Variants in PTPRD observed in about 807,000 individuals in gnomAD.
The protein encoded by PTPRD is protein tyrosine phosphatase receptor type D.
In PTPRD, 34 loss-of-function variants were observed where a neutral mutation model predicts 214.5. The ratio of observed to expected loss-of-function variants is 0.16; its 90% CI spans 0.12 to 0.21. PTPRD has a LOEUF of 0.21. Ranked by LOEUF, PTPRD falls within the 10% of genes least tolerant of loss-of-function variation. The pLI is 1.00. For synonymous variants in PTPRD, 1,128 were observed against 845.7 expected (o/e 1.33, Z -5.79); for missense variants, 2,545 against 2,398.7 (o/e 1.06, Z -1.27).
chr9:9,015,967 T>C (rs894607634), intron 11 of PTPRD, among the ~76,000 whole-genome samples: 1 of 152,064 alleles, frequency 6.6e-6, no homozygotes, highest in African/African-American at 2.4e-5. Context: ...CTCTGCTAAA[T>C]GATCATAGGA....
intron 31 of PTPRD, among the ~76,000 whole-genome samples, chr9:8,468,594 T>G (rs1405115389): frequency 6.6e-6 from 1 of 151,920 alleles, no homozygotes; most frequent in East Asian, 1.9e-4. Flanking sequence ...TTTCAATTTC[T>G]TATGGGCCTA....
rs554815076 is a variant in PTPRD at position 10,120,752 on chromosome 9, G to C, written c.-544-86962C>G. ...ATTTCTTCTTCAATAAATCCTACTT[G>C]AGGAGCCAACGATAATCCCATGAAA... On this transcript the variant is annotated intron_variant, in intron 3 of 45. Coordinates refer to ENST00000381196, the MANE Select transcript of PTPRD (RefSeq NM_002839.4). Among the ~76,000 whole-genome samples the C allele has an allele frequency of 2.0e-4, 31 of 152,008 alleles. No individual in the cohort carries two copies. The South Asian group carries it at 6.5e-3, about 32-fold the overall frequency.
At chr9:9,110,009 G>A (rs2099803892) in intron 10 of PTPRD, among the ~76,000 whole-genome samples, 1 of 152,072 alleles carries the variant, frequency 6.6e-6, no homozygotes, top group Admixed American at 6.6e-5. Context: ...ACCAAACCAG[G>A]AGCTCCAAAG....
intron 5 of PTPRD, among the ~76,000 whole-genome samples, chr9:9,830,910 C>T (rs1169515194): frequency 3.3e-5 from 5 of 151,718 alleles, no homozygotes; most frequent in East Asian, 3.9e-4. Flanking sequence ...AATTGTCCAA[C>T]GTAAAATGTA....
At chr9:8,798,942 G>C (rs148753291) in intron 11 of PTPRD, among the ~76,000 whole-genome samples, 58 of 152,196 alleles carry the variant, frequency 3.8e-4, no homozygotes, top group African/African-American at 1.3e-3. Flanking sequence ...CACATGTAAA[G>C]CCTGAATGCA....
chr9:10,056,195 C>A (rs2097643911), intron 3 of PTPRD, among the ~76,000 whole-genome samples: 2 of 151,824 alleles, frequency 1.3e-5, no homozygotes, highest in South Asian at 4.1e-4. Context: ...GTGGCATGTG[C>A]CTGTTATCCC....
At chr9:8,904,385 C>T (rs886179450) in intron 11 of PTPRD, among the ~76,000 whole-genome samples, 8 of 152,062 alleles carry the variant, frequency 5.3e-5, no homozygotes, top group African/African-American at 1.9e-4. Context: ...AAAAGTCACA[C>T]ATTAGGCCAG....
intron 4 of PTPRD, among the ~76,000 whole-genome samples, chr9:9,946,835 G>C (rs12554017): frequency 0.077 from 11,737 of 152,048 alleles, 889 homozygotes; most frequent in East Asian, 0.25. Context: ...AACTCAAGTA[G>C]TTCCACTGAA....
chr9:8,514,870 C>A (rs1466067214), intron 21 of PTPRD, among the ~76,000 whole-genome samples: 2 of 152,104 alleles, frequency 1.3e-5, no homozygotes, highest in African/African-American at 4.8e-5. Context: ...GGGGTGGTTT[C>A]TCCTATGCCG....
chr9:9,470,410 T>G (rs1308397151), intron 8 of PTPRD, among the ~76,000 whole-genome samples: 1 of 152,190 alleles, frequency 6.6e-6, no homozygotes, highest in Non-Finnish European at 1.5e-5. Context: ...CAATATCACA[T>G]TAAAGAATAA....
intron 39 of PTPRD, among the ~76,000 whole-genome samples, chr9:8,362,599 T>G (rs2133953716): frequency 6.6e-6 from 1 of 152,338 alleles, no homozygotes. Flanking sequence ...GAAGAATGAC[T>G]GACCACCTAT....
intron 9 of PTPRD, among the ~76,000 whole-genome samples, chr9:9,377,258 A>G (rs981222995): frequency 1.3e-5 from 2 of 152,158 alleles, no homozygotes; most frequent in African/African-American, 4.8e-5. Context: ...TGAAATTACT[A>G]TAACTATATA....
At chr9:10,316,620 T>G (rs977788277) in intron 3 of PTPRD, among the ~76,000 whole-genome samples, 2 of 152,010 alleles carry the variant, frequency 1.3e-5, no homozygotes, top group Non-Finnish European at 2.9e-5. Flanking sequence ...AAGCCAGCTT[T>G]ATAGTGAATC....
chr9:10,515,554 A>G (rs2049785123), intron 2 of PTPRD, among the ~76,000 whole-genome samples: 1 of 140,226 alleles, frequency 7.1e-6, no homozygotes, highest in Non-Finnish European at 1.6e-5. Context: ...ATATTTTTAC[A>G]TTTTTATTGT....
intron 10 of PTPRD, among the ~76,000 whole-genome samples, chr9:9,082,726 C>G (rs190745219): frequency 6.6e-6 from 1 of 152,022 alleles, no homozygotes; most frequent in South Asian, 2.1e-4. Context: ...AATCAACATG[C>G]AAAAATCACA....
At chr9:9,006,651 C>G (rs1221354152) in intron 11 of PTPRD, among the ~76,000 whole-genome samples, 3 of 151,954 alleles carry the variant, frequency 2.0e-5, no homozygotes, top group Non-Finnish European at 4.4e-5. Context: ...GCCTGCTGGT[C>G]TAACCATAAT....
intron 9 of PTPRD, among the ~76,000 whole-genome samples, chr9:9,284,826 T>G (rs2133792283): frequency 6.6e-6 from 1 of 151,890 alleles, no homozygotes; most frequent in East Asian, 2.0e-4. Context: ...TTATTTCATT[T>G]TCTACCAAAT....
intron 2 of PTPRD, among the ~76,000 whole-genome samples, chr9:10,401,494 G>T (rs2098268937): frequency 6.6e-6 from 1 of 150,726 alleles, no homozygotes; most frequent in South Asian, 2.1e-4. Flanking sequence ...ATGGTGTATG[G>T]CCTTCCAAAA....
intron 11 of PTPRD, among the ~76,000 whole-genome samples, chr9:8,820,029 C>T (rs1366070457): frequency 1.3e-5 from 2 of 152,104 alleles, no homozygotes; most frequent in African/African-American, 4.8e-5. Flanking sequence ...TTTGAGGCAA[C>T]ATTTCAGACA....
Sources: allele counts gnomAD v4.1 joint callset (sites outside exome capture counted in the v4.1 genomes callset), GRCh38; gene constraint gnomAD v4.1.1; transcripts MANE v1.5; gene names NCBI Gene and HGNC (gene_info 2026-07-23, HGNC 2026-07-21).